The following RTN4 variants were observed in gnomAD, a reference collection of about 807,000 sequenced individuals.
RTN4 encodes reticulon-4.
A neutral mutation model predicts 90.4 loss-of-function variants in RTN4; 32 were observed. That is an observed-to-expected ratio of 0.35 (90% confidence interval 0.27 to 0.48). The LOEUF is 0.48. Among genes scored for constraint, RTN4 ranks in the 20% least tolerant of loss-of-function variants. The pLI, the probability that RTN4 is intolerant of heterozygous loss-of-function variation, is 0.99. For synonymous variants in RTN4, 629 were observed against 552.5 expected, an observed-to-expected ratio of 1.14 and a Z score of -1.94; for missense variants, 1,706 against 1,430.2, an observed-to-expected ratio of 1.19 and a Z score of -3.11.
intron 3 of RTN4, among the ~76,000 whole-genome samples, chr2:55,015,200 G>C (rs968760698): frequency 1.3e-5 from 2 of 152,050 alleles, no homozygotes; most frequent in Admixed American, 1.3e-4. Context: ...AAGGCAATCT[G>C]GCAAACATTA....
At chr2:55,092,066 T>C (rs1668948291) in intron 1 of RTN4, among the ~76,000 whole-genome samples, 1 of 152,040 alleles carries the variant, frequency 6.6e-6, no homozygotes, top group African/African-American at 2.4e-5. Flanking sequence ...GGCACATGCC[T>C]GTAGTCTCAG....
the RTN4 span, among the ~76,000 whole-genome samples, chr2:55,129,609 T>A: frequency 6.6e-6 from 1 of 152,024 alleles, no homozygotes; most frequent in Admixed American, 6.5e-5. Flanking sequence ...TCGCTCAGGC[T>A]GGAGTGCAGT....
chr2:55,066,014 T>C (rs1668383463), intron 2 of RTN4, among the ~76,000 whole-genome samples: 1 of 152,230 alleles, frequency 6.6e-6, no homozygotes, highest in South Asian at 2.1e-4. Context: ...GCTTCAATAA[T>C]TTCTTTTAAA....
At chr2:54,992,989 G>A (rs894790433) in intron 3 of RTN4, among the ~76,000 whole-genome samples, 2 of 151,052 alleles carry the variant, frequency 1.3e-5, no homozygotes, top group African/African-American at 2.4e-5. Flanking sequence ...CAGGAGAATG[G>A]CGTGAACCCG....
At chr2:54,999,636 T>C (rs1364789277) in intron 3 of RTN4, among the ~76,000 whole-genome samples, 1 of 152,168 alleles carries the variant, frequency 6.6e-6, no homozygotes, top group African/African-American at 2.4e-5. Context: ...AATGAATATA[T>C]AAATATTAGA....
At position 54,987,536 on chromosome 2, in the gene RTN4, C is replaced by G. The variant is rs1352604922; in HGVS notation, c.3176G>C (p.Gly1059Ala). The change falls in exon 4 of 9, where the codon GGT becomes GCT. Residue 1059 changes from glycine (G) to alanine (A), a missense_variant. Gly to Ala is a moderately conservative substitution (Grantham distance 60, BLOSUM62 0). Transcript: ENST00000337526. ...TGATTTCTGGATAGCTTGGATCACA[C>G]CCTTGTATATCCTAAAGCTGATGGT... is the stretch of plus-strand genomic sequence containing the variant. The part of the protein sequence containing the change: ...SVTISFRIYK[G>A]VIQAIQKSDE... 1.9e-6 allele frequency: 3 copies of G among 1,614,132 alleles called. No homozygotes were observed. Among genetic ancestry groups the G allele is most frequent in the Non-Finnish European group, 2.5e-6 (3 of 1,180,026 alleles).
At chr2:55,116,955 C>T (rs1668137046), upstream of RTN4, among the ~76,000 whole-genome samples, 1 of 144,308 alleles carries the variant, frequency 6.9e-6, no homozygotes, top group African/African-American at 2.6e-5. Context: ...CTGTCTGCAA[C>T]CTCCACCTCC....
the RTN4 span, among the ~76,000 whole-genome samples, chr2:55,137,637 C>A: frequency 6.6e-6 from 1 of 152,136 alleles, no homozygotes; most frequent in Admixed American, 6.5e-5. Flanking sequence ...CCCCCTCAAC[C>A]TGTCCAGACC....
In RTN4 at chr2:55,027,360, T is replaced by G; in HGVS notation, c.739A>C (p.Lys247Gln). ...AAATTACCAAGGTATTCATGTTCTT[T>G]GAAAGAAGCGGCTGAGAGAGGAGAC... ...SLSPLSAASF[K>Q]EHEYLGNLST... The change falls in exon 3 of 9, where the codon AAA becomes CAA. Residue 247 changes from lysine (K) to glutamine (Q), a missense_variant. Transcript: ENST00000337526. The G allele has an allele frequency of 6.2e-7, 1 of 1,613,638 alleles. No homozygotes were observed. The highest frequency in any genetic ancestry group is 1.1e-5 in the South Asian group (1 of 91,070).
intron 3 of RTN4, among the ~76,000 whole-genome samples, chr2:55,005,734 A>T (rs886879421): frequency 6.6e-6 from 1 of 152,204 alleles, no homozygotes; most frequent in Non-Finnish European, 1.5e-5. Context: ...ACTTGCATAT[A>T]CGTAATGAGG....
chr2:55,120,856 G>T, the RTN4 span, among the ~76,000 whole-genome samples: 19 of 152,152 alleles, frequency 1.2e-4, no homozygotes, highest in African/African-American at 4.3e-4. Context: ...TCGGGTCTCC[G>T]GCTTACACAC....
intron 6 of RTN4, 35 bp downstream of exon 6, chr2:54,974,660 A>G (rs751044218): frequency 6.7e-7 from 1 of 1,486,908 alleles, no homozygotes; most frequent in Non-Finnish European, 9.4e-7. Flanking sequence ...CAATCTTTCC[A>G]GCAATTTTTC....
intron 1 of RTN4, among the ~76,000 whole-genome samples, chr2:55,031,451 G>C (rs1682309000): frequency 6.6e-6 from 1 of 152,204 alleles, no homozygotes; most frequent in Admixed American, 6.5e-5. Flanking sequence ...CCAAAAATCT[G>C]GATAGGGGTT....
intron 1 of RTN4, among the ~76,000 whole-genome samples, chr2:55,080,855 A>C (rs1668698197): frequency 6.6e-6 from 1 of 152,226 alleles, no homozygotes; most frequent in African/African-American, 2.4e-5. Context: ...ACTCAAGCTT[A>C]ATTAAGTTGA....
intron 1 of RTN4, among the ~76,000 whole-genome samples, chr2:55,043,850 C>T (rs1683234599): frequency 6.6e-6 from 1 of 151,256 alleles, no homozygotes; most frequent in Non-Finnish European, 1.5e-5. Context: ...TGCGCCACTG[C>T]ACTCCAGCCT....
chr2:55,085,109 T>C (rs1262842712), intron 1 of RTN4, among the ~76,000 whole-genome samples: 1 of 152,086 alleles, frequency 6.6e-6, no homozygotes, highest in Non-Finnish European at 1.5e-5. Flanking sequence ...TTTGAGAGTA[T>C]AAACAGTAGG....
the RTN4 span, among the ~76,000 whole-genome samples, chr2:55,129,804 A>T: frequency 8.5e-5 from 13 of 152,094 alleles, no homozygotes; most frequent in African/African-American, 3.1e-4. Flanking sequence ...CTCGTGATCC[A>T]CCTGCCTCGG....
At chr2:54,991,033 C>T (rs1362543985) in intron 3 of RTN4, among the ~76,000 whole-genome samples, 2 of 152,136 alleles carry the variant, frequency 1.3e-5, no homozygotes, top group South Asian at 2.1e-4. Context: ...CCGCCCGCCT[C>T]GGCCTCTCAA....
rs1668039553 is a variant in RTN4, at chr2:55,050,378, G to A, written c.-78C>T. 2.2e-6 allele frequency: 2 copies of A among 925,338 alleles called. No individual in the cohort carries two copies. The highest frequency in any genetic ancestry group is 1.5e-6 in the Non-Finnish European group (1 of 669,148). The allele number at this position is 925,338 out of a possible 1,614,324, so 57.3% of individuals were successfully genotyped here. Reference sequence around the variant, plus strand: ...GTCTCAGAGCCGCGGGCGGTTGTGGGGGTTGGGGAGGACTGAGAGGGGCTG... The same window carrying A: ...GTCTCAGAGCCGCGGGCGGTTGTGGAGGTTGGGGAGGACTGAGAGGGGCTG... On this transcript the variant is annotated 5_prime_UTR_variant, in exon 1 of 9. Coordinates refer to ENST00000337526, the MANE Select transcript of RTN4 (RefSeq NM_020532.5). This position sits in a 1 kb window ranked among gnomAD's most constrained non-coding sequence, Gnocchi z 4.6.
Sources: allele counts gnomAD v4.1 joint callset (sites outside exome capture counted in the v4.1 genomes callset), GRCh38; gene constraint gnomAD v4.1.1; non-coding constraint Gnocchi (gnomAD v3.1); transcripts MANE v1.5; gene names NCBI Gene and HGNC (gene_info 2026-07-23, HGNC 2026-07-21).